Variants in KCNQ1 observed in about 807,000 individuals in gnomAD.
The protein encoded by KCNQ1 is potassium voltage-gated channel subfamily Q member 1.
Under a neutral mutation model 72.4 loss-of-function variants are expected in KCNQ1, and 49 were observed. The ratio of observed to expected loss-of-function variants is 0.68; its 90% CI spans 0.54 to 0.86. KCNQ1 has a LOEUF of 0.86. Among genes scored for constraint, KCNQ1 ranks in the 40% least tolerant of loss-of-function variants. The probability of loss-of-function intolerance (pLI) is 0.00; values close to 1 mark genes in which losing one functional copy is unlikely to be tolerated. For synonymous variants in KCNQ1, 450 were observed against 412.6 expected (o/e 1.09, Z -1.10); for missense variants, 790 against 945.1 (o/e 0.84, Z 2.15).
In KCNQ1 at chr11:2,612,020, C is replaced by T. The variant is rs1352173894; in HGVS notation, c.1393+23166C>T. ...CACATATGTTGTTACTCCTTAATTC[C>T]ACATATGTTTTCTACTCTTAATTAC... is the stretch of plus-strand genomic sequence containing the variant. On this transcript the variant is annotated intron_variant, in intron 10 of 15. Transcript: ENST00000155840. This position sits in a 1 kb window ranked among gnomAD's most constrained non-coding sequence, Gnocchi z 5.5. 1 of 398,450 alleles carries T rather than the reference C, an allele frequency of 2.5e-6. No individual in the cohort carries two copies. Among genetic ancestry groups the T allele is most frequent in the East Asian group, 3.6e-5 (1 of 28,084 alleles). 24.7% of individuals were successfully genotyped at this position (398,450 alleles called of 1,614,324 possible).
chr11:2,518,866 C>T (rs748096841), intron 1 of KCNQ1, among the ~76,000 whole-genome samples: 4 of 152,196 alleles, frequency 2.6e-5, no homozygotes, highest in Non-Finnish European at 4.4e-5. Flanking sequence ...GGGGTGGCCA[C>T]GGGAGCCCTG....
At chr11:2,744,871 T>A (rs1047747358) in intron 11 of KCNQ1, among the ~76,000 whole-genome samples, 6 of 152,154 alleles carry the variant, frequency 3.9e-5, no homozygotes, top group Non-Finnish European at 8.8e-5. Flanking sequence ...GTGACTCCCC[T>A]TCCCCACCTG....
intron 2 of KCNQ1, among the ~76,000 whole-genome samples, chr11:2,556,019 G>C (rs1307199728): frequency 2.0e-5 from 3 of 152,232 alleles, no homozygotes; most frequent in Non-Finnish European, 4.4e-5. Flanking sequence ...GCAGCCCCCT[G>C]CCTGTCCAGG....
chr11:2,455,027 A>G (rs1476104697), intron 1 of KCNQ1, among the ~76,000 whole-genome samples: 6 of 152,226 alleles, frequency 3.9e-5, no homozygotes, highest in African/African-American at 1.2e-4. Context: ...AAAACCCTAA[A>G]GAGTCTGCCA....
At chr11:2,801,869 C>T (rs539311591) in intron 15 of KCNQ1, among the ~76,000 whole-genome samples, 11 of 152,348 alleles carry the variant, frequency 7.2e-5, no homozygotes, top group African/African-American at 2.2e-4. Flanking sequence ...ATGGTGTCCC[C>T]GCAGCCCCTG....
Position 2,600,385 on chromosome 11 carries a change from C to A in KCNQ1, c.1393+11531C>A, listed in dbSNP as rs1278424394. On this transcript the variant is annotated intron_variant, in intron 10 of 15. Transcript: ENST00000155840. The surrounding 1 kb of genome is among the most constrained non-coding windows in gnomAD (Gnocchi z 5.6). The stretch of plus-strand genomic sequence containing the variant: ...ATTACAAGCACGAGATATAAAAACA[C>A]CTACATACCCTTCACTAAGATTTAC... Among the ~76,000 whole-genome samples the A allele has an allele frequency of 1.3e-5, 2 of 152,168 alleles. No individual in the cohort carries two copies. Among genetic ancestry groups the A allele is most frequent in the African/African-American group, 2.4e-5 (1 of 41,452 alleles).
At chr11:2,807,044 C>G (rs937735868) in intron 15 of KCNQ1, among the ~76,000 whole-genome samples, 4 of 152,170 alleles carry the variant, frequency 2.6e-5, no homozygotes, top group African/African-American at 9.7e-5. Context: ...CTGGGAGTCT[C>G]GGCTCTTTCG....
At chr11:2,560,721 TCAG>T (rs148657569) in intron 2 of KCNQ1, among the ~76,000 whole-genome samples, 225 of 152,160 alleles carry the variant, frequency 1.5e-3, no homozygotes, top group African/African-American at 5.3e-3. Context: ...CTGAAGTTTC[TCAG>T]CAGGATTTTG....
chr11:2,832,908 G>C (rs942274460), intron 15 of KCNQ1, among the ~76,000 whole-genome samples: 1 of 152,124 alleles, frequency 6.6e-6, no homozygotes, highest in Non-Finnish European at 1.5e-5. Context: ...GCCCAGCTCA[G>C]GGGGCTTCAC....
At chr11:2,777,658 C>T (rs1846733929) in intron 14 of KCNQ1, 11 of 593,856 alleles carry the variant, frequency 1.9e-5, no homozygotes, top group East Asian at 1.7e-4. Context: ...AGGCCTGTGT[C>T]GCCCTGGGAG....
At chr11:2,660,712 G>C (rs1034428089) in intron 10 of KCNQ1, 2 of 398,542 alleles carry the variant, frequency 5.0e-6, no homozygotes, top group Admixed American at 4.4e-5. Context: ...ACCTTCATTC[G>C]GGCTTCATTC....
intron 10 of KCNQ1, among the ~76,000 whole-genome samples, chr11:2,591,879 G>A (rs544658106): frequency 3.3e-5 from 5 of 152,360 alleles, no homozygotes; most frequent in African/African-American, 4.8e-5. Flanking sequence ...GGGACAGAGC[G>A]ACCCCTGATA....
intron 11 of KCNQ1, chr11:2,692,741 C>G: frequency 2.5e-6 from 1 of 398,662 alleles, no homozygotes; most frequent in Non-Finnish European, 4.4e-6. Context: ...CCTATCAAAT[C>G]CCTCCCTCTG....
intron 15 of KCNQ1, among the ~76,000 whole-genome samples, chr11:2,820,049 A>G (rs1413141970): frequency 2.0e-5 from 3 of 152,078 alleles, no homozygotes; most frequent in Non-Finnish European, 4.4e-5. Flanking sequence ...TTTATTGGTC[A>G]ATTCTTTTTC....
In KCNQ1 at chr11:2,766,129, T is replaced by G. The variant is rs75167889; in HGVS notation, c.1515-2715T>G. ...CTTCCTTTTTATGTATCTATAAATTTTATTTCTCTGGTAAAATTGTCTATC... is the reference window on the plus strand; with the variant it reads ...CTTCCTTTTTATGTATCTATAAATTGTATTTCTCTGGTAAAATTGTCTATC... On this transcript the variant is annotated intron_variant, in intron 11 of 15. Transcript: ENST00000155840. The surrounding 1 kb of genome is among the most constrained non-coding windows in gnomAD (Gnocchi z 4.4). 0.017 allele frequency among the ~76,000 whole-genome samples: 2,544 copies of G among 152,342 alleles called. 115 individuals carry two copies. The highest frequency in any genetic ancestry group is 0.13 in the East Asian group (694 of 5,186).
intron 10 of KCNQ1, chr11:2,630,714 T>C: frequency 2.5e-6 from 1 of 398,478 alleles, no homozygotes; most frequent in Non-Finnish European, 4.4e-6. Context: ...CTAATTATCA[T>C]CCTTCCATTT....
rs149658888 is a variant in KCNQ1 at position 2,660,870 on chromosome 11, A to G, written c.1394-1091A>G. On this transcript the variant is annotated intron_variant, in intron 10 of 15. Coordinates refer to ENST00000155840, the MANE Select transcript of KCNQ1 (RefSeq NM_000218.3). ...AGTATGTCAGCTTTTAAGAATAAAG[A>G]TGAATATGGCATCATAGTCTGAATA... 2,014 of 398,680 alleles carry G rather than the reference A, an allele frequency of 5.1e-3. 8 individuals carry two copies. The highest frequency in any genetic ancestry group is 7.0e-3 in the Non-Finnish European group (1,573 of 226,076). The allele number at this position is 398,680 out of a possible 1,614,324, so 24.7% of individuals were successfully genotyped here. A position where few individuals can be genotyped will look rare whatever the true frequency, so the allele number is the denominator to read the frequency against.
intron 11 of KCNQ1, among the ~76,000 whole-genome samples, chr11:2,761,742 G>A (rs555193254): frequency 3.9e-5 from 6 of 152,364 alleles, no homozygotes; most frequent in South Asian, 4.1e-4. Flanking sequence ...GGTAGCCAGC[G>A]CTGTCACCAG....
In KCNQ1 at chr11:2,567,391, G is replaced by A. The variant is rs1029971162; in HGVS notation, c.478-3237G>A. 1.3e-5 allele frequency among the ~76,000 whole-genome samples: 2 copies of A among 152,160 alleles called. No homozygotes were observed. The highest frequency in any genetic ancestry group is 2.9e-5 in the Non-Finnish European group (2 of 68,030). On this transcript the variant is annotated intron_variant, in intron 2 of 15. Transcript: ENST00000155840. The surrounding 1 kb of genome is among the most constrained non-coding windows in gnomAD (Gnocchi z 6.6). ...TGTGAGCCTGCTTTAGACTGGGGAT[G>A]TGGTCCCGTGAATCAGGGGTGGGCC...
Sources: allele counts gnomAD v4.1 joint callset (sites outside exome capture counted in the v4.1 genomes callset), GRCh38; gene constraint gnomAD v4.1.1; non-coding constraint Gnocchi (gnomAD v3.1); transcripts MANE v1.5; gene names NCBI Gene and HGNC (gene_info 2026-07-23, HGNC 2026-07-21).